Variants in KLF8 observed in about 807,000 individuals in gnomAD.
KLF8 encodes Krueppel-like factor 8.
In KLF8, 10 loss-of-function variants were observed where a neutral mutation model predicts 18.2. The observed-to-expected ratio is 0.55, with a 90% CI of 0.34 to 0.93. The LOEUF is 0.93. Ranked by LOEUF, KLF8 falls within the 40% of genes least tolerant of loss-of-function variation. The pLI is 0.02. For missense variants in KLF8, 264 were observed against 277.9 expected, an observed-to-expected ratio of 0.95 and a Z score of 0.36; for synonymous variants, 109 against 97.3, an observed-to-expected ratio of 1.12 and a Z score of -0.71.
At chrX:56,066,084 T>C in the KLF8 span, among the ~76,000 whole-genome samples, 1 of 111,667 alleles carries the variant, frequency 9.0e-6, no homozygotes, top group Non-Finnish European at 1.9e-5. Flanking sequence ...GTAAAGGGTG[T>C]AGCATGAGTG....
At chrX:56,069,784 A>G in the KLF8 span, among the ~76,000 whole-genome samples, 3 of 111,664 alleles carry the variant, frequency 2.7e-5, no homozygotes, top group East Asian at 8.5e-4. Context: ...CTTCCTGCCC[A>G]GCGGTCTTGC....
At chrX:56,223,521 CA>C in the KLF8 span, among the ~76,000 whole-genome samples, 1 of 112,449 alleles carries the variant, frequency 8.9e-6, no homozygotes, top group African/African-American at 3.2e-5. Context: ...ATGAGGATAT[CA>C]TTTAGTTAGC....
the KLF8 span, among the ~76,000 whole-genome samples, chrX:56,105,572 C>T: frequency 5.6e-5 from 6 of 107,598 alleles, no homozygotes; most frequent in Admixed American, 6.0e-4. Flanking sequence ...GTAGATCTTC[C>T]TCCATCCCTT....
the KLF8 span, among the ~76,000 whole-genome samples, chrX:56,219,204 T>C: frequency 1.8e-5 from 2 of 112,451 alleles, no homozygotes; most frequent in African/African-American, 6.5e-5. Flanking sequence ...ATGTTGTGAT[T>C]TGGCAATAAA....
At chrX:56,139,090 A>G in the KLF8 span, among the ~76,000 whole-genome samples, 1 of 111,628 alleles carries the variant, frequency 9.0e-6, no homozygotes, top group Non-Finnish European at 1.9e-5. Context: ...AAAACAGCTA[A>G]CTAGGGATGT....
At chrX:56,120,074 T>C in the KLF8 span, among the ~76,000 whole-genome samples, 1 of 111,027 alleles carries the variant, frequency 9.0e-6, no homozygotes, top group Admixed American at 9.7e-5. Flanking sequence ...GAATCTACAA[T>C]GTAAGTCCCA....
At chrX:56,171,563 C>T in the KLF8 span, among the ~76,000 whole-genome samples, 1 of 110,880 alleles carries the variant, frequency 9.0e-6, no homozygotes, top group Non-Finnish European at 1.9e-5. Flanking sequence ...TGATGTTCCC[C>T]ACCCTGTGTC....
At chrX:56,175,094 C>T in the KLF8 span, among the ~76,000 whole-genome samples, 13 of 111,121 alleles carry the variant, frequency 1.2e-4, no homozygotes, top group African/African-American at 4.2e-4. Context: ...GTCTCTATTT[C>T]CTTCAGTTCT....
At chrX:55,992,490 G>C in the KLF8 span, among the ~76,000 whole-genome samples, 2 of 111,747 alleles carry the variant, frequency 1.8e-5, no homozygotes, top group East Asian at 2.8e-4. Flanking sequence ...ATGCTGTTTT[G>C]GTTACTGTAG....
the KLF8 span, among the ~76,000 whole-genome samples, chrX:56,175,347 G>T: frequency 9.0e-6 from 1 of 111,647 alleles, no homozygotes; most frequent in Non-Finnish European, 1.9e-5. Context: ...CCTTCTTTTC[G>T]TTATGTACCG....
At chrX:56,224,339 T>C in the KLF8 span, among the ~76,000 whole-genome samples, 1 of 111,676 alleles carries the variant, frequency 9.0e-6, no homozygotes, top group Non-Finnish European at 1.9e-5. Flanking sequence ...TCTTGTTTTA[T>C]CTAATTATAT....
the KLF8 span, among the ~76,000 whole-genome samples, chrX:55,967,821 A>G: frequency 1.8e-5 from 2 of 112,082 alleles, no homozygotes; most frequent in South Asian, 7.4e-4. Context: ...TTCAAGACAT[A>G]GACAGTACAA....
At chrX:55,923,388 G>C in the KLF8 span, among the ~76,000 whole-genome samples, 5 of 110,590 alleles carry the variant, frequency 4.5e-5, no homozygotes, top group African/African-American at 1.6e-4. Flanking sequence ...AATGAATCCT[G>C]GGCTTAATAC....
chrX:56,157,582 G>C, the KLF8 span, among the ~76,000 whole-genome samples: 1 of 110,536 alleles, frequency 9.0e-6, no homozygotes, highest in African/African-American at 3.3e-5. Flanking sequence ...GATCGTCATT[G>C]TAACTGGTGT....
the KLF8 span, among the ~76,000 whole-genome samples, chrX:56,134,867 A>G: frequency 1.8e-5 from 2 of 111,663 alleles, no homozygotes; most frequent in Admixed American, 9.5e-5. Flanking sequence ...TGAATAGACA[A>G]TCCTCAAAAG....
At chrX:56,162,281 C>G in the KLF8 span, among the ~76,000 whole-genome samples, 1 of 112,060 alleles carries the variant, frequency 8.9e-6, no homozygotes, top group East Asian at 2.8e-4. Flanking sequence ...GGGAGAACCT[C>G]TACTGTCTTC....
the KLF8 span, among the ~76,000 whole-genome samples, chrX:56,081,610 A>ATT: frequency 1.2e-4 from 13 of 111,672 alleles, no homozygotes; most frequent in Non-Finnish European, 1.7e-4. Context: ...TTAGCTATGA[A>ATT]TTTTTTACAA....
the KLF8 span, among the ~76,000 whole-genome samples, chrX:56,069,836 A>T: frequency 7.1e-5 from 8 of 112,330 alleles, no homozygotes; most frequent in African/African-American, 2.6e-4. Context: ...GTCCTGCTTC[A>T]GTGTGACGAT....
At chrX:56,250,151 C>T (rs1602424894) in intron 1 of KLF8, 80 bp from the exon 2 acceptor site, 1 of 670,174 alleles carries the variant, frequency 1.5e-6, no homozygotes, top group South Asian at 2.5e-5. Context: ...ATAGAACACA[C>T]ATAACATTAA....
Sources: allele counts gnomAD v4.1 joint callset (sites outside exome capture counted in the v4.1 genomes callset), GRCh38; gene constraint gnomAD v4.1.1; transcripts MANE v1.5; gene names NCBI Gene and HGNC (gene_info 2026-07-23, HGNC 2026-07-21).